Variants in TNFRSF13C observed in about 807,000 individuals in gnomAD.
The protein encoded by TNFRSF13C is tumor necrosis factor receptor superfamily member 13C.
Under a neutral mutation model 12.1 loss-of-function variants are expected in TNFRSF13C, and 7 were observed. The ratio of observed to expected loss-of-function variants is 0.58; its 90% CI spans 0.33 to 1.08. The LOEUF (loss-of-function observed/expected upper bound fraction) is 1.08. Ranked by LOEUF, TNFRSF13C falls within the 50% of genes least tolerant of loss-of-function variation. The probability of loss-of-function intolerance (pLI) is 0.04; values close to 1 mark genes in which losing one functional copy is unlikely to be tolerated. For synonymous variants in TNFRSF13C, 157 were observed against 130.8 expected, an observed-to-expected ratio of 1.20 and a Z score of -1.37; for missense variants, 260 against 265.9, an observed-to-expected ratio of 0.98 and a Z score of 0.15.
chr22:41,926,666 C>T lies in TNFRSF13C; in HGVS notation c.108G>A (p.Gly36=), dbSNP rs1420701296. 5 of 1,463,322 alleles carry T rather than the reference C, an allele frequency of 3.4e-6. No homozygotes were observed. The highest frequency in any genetic ancestry group is 2.4e-5 in the Admixed American group (1 of 41,162). 90.6% of individuals were successfully genotyped at this position (1,463,322 alleles called of 1,614,324 possible). A position where few individuals can be genotyped will look rare whatever the true frequency, so the allele number is the denominator to read the frequency against. The change falls in exon 1 of 3, where the codon GGG becomes GGA. Residue 36 remains glycine, a synonymous_variant. Transcript: ENST00000291232. This position sits in a 1 kb window ranked among gnomAD's most constrained non-coding sequence, Gnocchi z 4.9. ...DLLVRHCVAC[G]LLRTPRPKPA... is the part of the protein sequence containing the mutation. ...GTTTCGGCCGCGGCGTGCGCAGGAG[C>T]CCGCAGGCCACGCAGTGGCGGACCA...
rs1175421227 is a variant in TNFRSF13C, at chr22:41,926,800, G to A, written c.-27C>T. On this transcript the variant is annotated 5_prime_UTR_variant, in exon 1 of 3. Transcript: ENST00000291232. This position sits in a 1 kb window ranked among gnomAD's most constrained non-coding sequence, Gnocchi z 4.9. ...GTGCCGACGCCGCCGCACAAGCTGC[G>A]GGGACTGAGGCTGAGCTGGGCTCCG... is the stretch of plus-strand genomic sequence containing the variant. The A allele has an allele frequency of 1.6e-5, 21 of 1,308,014 alleles. No individual in the cohort carries two copies. Among genetic ancestry groups the A allele is most frequent in the Non-Finnish European group, 1.8e-5 (19 of 1,031,212 alleles). 81.0% of individuals were successfully genotyped at this position (1,308,014 alleles called of 1,614,324 possible).
rs778597853 is a variant in TNFRSF13C at position 41,925,468 on chromosome 22, G to A, written c.454C>T (p.Pro152Ser). 6.2e-7 allele frequency: 1 copy of A among 1,613,064 alleles called. No individual in the cohort carries two copies. Among genetic ancestry groups the A allele is most frequent in the Non-Finnish European group, 8.5e-7 (1 of 1,179,986 alleles). Residue 152 changes from proline (P) to serine (S), a missense_variant, in exon 3 of 3, where the codon CCA becomes TCA. Transcript: ENST00000291232. ...APAWPPPGED[P>S]GTTPPGHSVP... is the part of the protein sequence containing the mutation. The stretch of plus-strand genomic sequence containing the variant: ...CTGTGGCCAGGTGGGGTGGTTCCTG[G>A]GTCTTCCCCAGGAGGAGGCCAGGCA...
chr22:41,925,580 C>G, intron 2 of TNFRSF13C, 26 bp from the exon 3 acceptor site: 1 of 1,609,446 alleles, frequency 6.2e-7, no homozygotes, highest in Non-Finnish European at 8.5e-7. Flanking sequence ...GTAGAGGCTC[C>G]GTACTCAGTC....
Sources: gnomAD v4.1 joint callset for allele counts on GRCh38, gnomAD v4.1.1 for gene constraint, Gnocchi (gnomAD v3.1) non-coding constraint, MANE v1.5 for transcripts, NCBI Gene and HGNC (gene_info 2026-07-23, HGNC 2026-07-21) for gene names.